SLC28A3: variants seen among roughly 807,000 people sequenced by gnomAD.
SLC28A3 encodes concentrative Na(+)-nucleoside cotransporter 3.
SLC28A3 carries 68 observed loss-of-function variants against 84.2 expected under a neutral mutation model. The observed-to-expected ratio is 0.81, with a 90% CI of 0.66 to 0.99. The LOEUF is 0.99. Among genes scored for constraint, SLC28A3 ranks in the 50% least tolerant of loss-of-function variants. The probability of loss-of-function intolerance (pLI) is 0.00; values close to 1 mark genes in which losing one functional copy is unlikely to be tolerated. For missense variants in SLC28A3, 712 were observed against 841.5 expected (o/e 0.85, Z 1.90); for synonymous variants, 267 against 303.6 (o/e 0.88, Z 1.25).
At chr9:84,332,964 C>T (rs371950448) in intron 1 of SLC28A3, among the ~76,000 whole-genome samples, 2 of 152,112 alleles carry the variant, frequency 1.3e-5, no homozygotes, top group South Asian at 2.1e-4. Context: ...GCTTGTCAAT[C>T]GAGGAAAATG....
intron 14 of SLC28A3, among the ~76,000 whole-genome samples, chr9:84,282,878 CT>C (rs1433440980): frequency 5.3e-5 from 8 of 152,250 alleles, no homozygotes; most frequent in African/African-American, 1.9e-4. Context: ...GGCCCCTCTT[CT>C]CTCTCATGGT....
chr9:84,346,353 C>T, the SLC28A3 span, among the ~76,000 whole-genome samples: 1 of 152,102 alleles, frequency 6.6e-6, no homozygotes, highest in South Asian at 2.1e-4. Context: ...CTTATGCATG[C>T]AGTTCTATAG....
At chr9:84,313,878 AAAAAG>A (rs1427904033) in intron 1 of SLC28A3, among the ~76,000 whole-genome samples, 22 of 151,260 alleles carry the variant, frequency 1.5e-4, no homozygotes, top group East Asian at 5.8e-4. Context: ...GAAAAAAAAA[AAAAAG>A]AAAAGAAAAG....
intron 7 of SLC28A3, 148 bp downstream of exon 7, chr9:84,297,758 A>G: frequency 2.9e-6 from 2 of 695,388 alleles, no homozygotes; most frequent in Non-Finnish European, 4.9e-6. Context: ...ATTCAACATA[A>G]GCAAAACTAT....
upstream of SLC28A3, among the ~76,000 whole-genome samples, chr9:84,343,452 C>A (rs184011232): frequency 3.3e-5 from 5 of 152,178 alleles, no homozygotes; most frequent in Admixed American, 3.3e-4. Flanking sequence ...ACAGACTGTA[C>A]AGTGTATACA....
intron 16 of SLC28A3, 102 bp from the exon 17 acceptor site, chr9:84,279,487 G>T: frequency 1.0e-6 from 1 of 958,708 alleles, no homozygotes; most frequent in Non-Finnish European, 1.3e-6. Context: ...TTTTGCCCAG[G>T]CTAGAGTGTA....
intron 1 of SLC28A3, among the ~76,000 whole-genome samples, chr9:84,338,236 T>C (rs1344962386): frequency 6.6e-6 from 1 of 152,244 alleles, no homozygotes; most frequent in Non-Finnish European, 1.5e-5. Flanking sequence ...TAAGTAAGCA[T>C]CCTAACTTAT....
intron 1 of SLC28A3, among the ~76,000 whole-genome samples, chr9:84,323,892 A>G: frequency 6.6e-6 from 1 of 151,990 alleles, no homozygotes; most frequent in East Asian, 1.9e-4. Flanking sequence ...GAGGCCACTG[A>G]TCTCTCGCCA....
At chr9:84,280,950 G>T in intron 14 of SLC28A3, 68 bp from the exon 15 acceptor site, 2 of 1,446,614 alleles carry the variant, frequency 1.4e-6, no homozygotes, top group South Asian at 2.3e-5. Flanking sequence ...ACATCCAACT[G>T]GGCTTCATTT....
At chr9:84,288,881 GA>G (rs1359791882) in intron 11 of SLC28A3, among the ~76,000 whole-genome samples, 1 of 152,116 alleles carries the variant, frequency 6.6e-6, no homozygotes, top group African/African-American at 2.4e-5. Flanking sequence ...ATGGGGAGGG[GA>G]TGGGGAGTGG....
At chr9:84,326,444 A>G (rs1356160747) in intron 1 of SLC28A3, among the ~76,000 whole-genome samples, 1 of 152,208 alleles carries the variant, frequency 6.6e-6, no homozygotes, top group East Asian at 1.9e-4. Flanking sequence ...ATTCTATCCT[A>G]ACTGAAGTAA....
intron 1 of SLC28A3, among the ~76,000 whole-genome samples, chr9:84,329,881 AAAT>A (rs1826711214): frequency 6.6e-6 from 1 of 152,020 alleles, no homozygotes; most frequent in African/African-American, 2.4e-5. Flanking sequence ...ATAAATAAAT[AAAT>A]AACAAAAATG....
intron 2 of SLC28A3, among the ~76,000 whole-genome samples, chr9:84,311,723 A>G (rs10746737): frequency 0.25 from 37,901 of 151,816 alleles, 5,175 homozygotes; most frequent in East Asian, 0.52. Flanking sequence ...GGGCACAGTG[A>G]CGGGTGCCGG....
intron 1 of SLC28A3, among the ~76,000 whole-genome samples, chr9:84,339,767 G>A (rs1168753675): frequency 6.6e-6 from 1 of 152,158 alleles, no homozygotes; most frequent in East Asian, 1.9e-4. Flanking sequence ...CTTGGGCTCT[G>A]GGAAGTTACA....
intron 1 of SLC28A3, among the ~76,000 whole-genome samples, chr9:84,315,081 A>AAAAC (rs35264543): frequency 2.6e-5 from 4 of 152,114 alleles, no homozygotes; most frequent in East Asian, 1.9e-4. Flanking sequence ...TCAGTCTCAA[A>AAAAC]AAACAAACAA....
At chr9:84,301,349 C>CAAAAAAAAAAAAAAA (rs59917986) in intron 5 of SLC28A3, among the ~76,000 whole-genome samples, 1 of 44,714 alleles carries the variant, frequency 2.2e-5, no homozygotes, top group Non-Finnish European at 5.1e-5. Flanking sequence ...GACTCTGTCT[C>CAAAAAAAAAAAAAAA]AAAAAAAAAA....
chr9:84,308,519 C>T (rs1200084951), intron 3 of SLC28A3, among the ~76,000 whole-genome samples: 2 of 151,584 alleles, frequency 1.3e-5, no homozygotes, highest in African/African-American at 2.4e-5. Context: ...GCACTCCAGC[C>T]TGGGCAACAG....
intron 1 of SLC28A3, among the ~76,000 whole-genome samples, chr9:84,320,040 G>GTTTTTTTTTGTTTTTTT (rs1826312557): frequency 1.7e-5 from 1 of 59,610 alleles, no homozygotes; most frequent in African/African-American, 9.8e-5. Flanking sequence ...GGCTTGCACT[G>GTTTTTTTTTGTTTTTTT]TTTTTTTTTT....
upstream of SLC28A3, among the ~76,000 whole-genome samples, chr9:84,343,005 C>G (rs28418526): frequency 0.054 from 8,201 of 151,872 alleles, 440 homozygotes; most frequent in East Asian, 0.17. Context: ...CTTCTAAATA[C>G]TACAAAAATT....
Sources: gnomAD v4.1 joint callset for allele counts (sites outside exome capture counted in the v4.1 genomes callset) on GRCh38, gnomAD v4.1.1 for gene constraint, MANE v1.5 for transcripts, NCBI Gene and HGNC (gene_info 2026-07-23, HGNC 2026-07-21) for gene names.